Variants in ROBO1 observed in about 807,000 individuals in gnomAD.
The protein encoded by ROBO1 is roundabout guidance receptor 1.
In ROBO1, 149 loss-of-function variants were observed where a neutral mutation model predicts 195.9. The ratio of observed to expected loss-of-function variants is 0.76; its 90% CI spans 0.67 to 0.87. ROBO1 has a LOEUF of 0.87. Ranked by LOEUF, ROBO1 falls within the 40% of genes least tolerant of loss-of-function variation. ROBO1 has a pLI of 0.00. For missense variants in ROBO1, 1,933 were observed against 2,068.3 expected, an observed-to-expected ratio of 0.93 and a Z score of 1.27; for synonymous variants, 816 against 733.2, an observed-to-expected ratio of 1.11 and a Z score of -1.82.
chr3:79,297,730 T>G (rs1444677327), intron 2 of ROBO1, among the ~76,000 whole-genome samples: 1 of 152,274 alleles, frequency 6.6e-6, no homozygotes. Context: ...CATATTTCTT[T>G]TATTGAAATA....
chr3:78,717,172 A>T, intron 7 of ROBO1, 103 bp downstream of exon 7: 1 of 1,229,830 alleles, frequency 8.1e-7, no homozygotes, highest in Non-Finnish European at 1.1e-6. Context: ...CTGATAGAGG[A>T]TTCTAGAATG....
At chr3:78,825,130 C>A (rs62257496) in intron 4 of ROBO1, among the ~76,000 whole-genome samples, 27,401 of 152,116 alleles carry the variant, frequency 0.18, 3,252 homozygotes, top group East Asian at 0.49. Context: ...AATAATTTGT[C>A]TTTGAATACG....
intron 2 of ROBO1, among the ~76,000 whole-genome samples, chr3:79,574,790 C>G (rs1477944802): frequency 6.6e-6 from 1 of 151,454 alleles, no homozygotes; most frequent in Non-Finnish European, 1.5e-5. Flanking sequence ...TTTTATGTTC[C>G]ACCTGTAAAT....
intron 2 of ROBO1, among the ~76,000 whole-genome samples, chr3:79,414,029 A>C (rs1477234146): frequency 6.6e-6 from 1 of 152,120 alleles, no homozygotes; most frequent in African/African-American, 2.4e-5. Context: ...TTCTCCTCGA[A>C]ATACCTTTTT....
At chr3:79,573,912 G>A (rs1298004097) in intron 2 of ROBO1, among the ~76,000 whole-genome samples, 1 of 152,038 alleles carries the variant, frequency 6.6e-6, no homozygotes, top group Non-Finnish European at 1.5e-5. Context: ...ATATGCTATG[G>A]AATTTGGCTT....
At chr3:79,516,612 A>G (rs962314963) in intron 2 of ROBO1, among the ~76,000 whole-genome samples, 15 of 152,138 alleles carry the variant, frequency 9.9e-5, no homozygotes, top group African/African-American at 3.6e-4. Context: ...TATTACACAT[A>G]GTATATTATA....
chr3:79,749,540 T>C (rs890779032), intron 1 of ROBO1, among the ~76,000 whole-genome samples: 1 of 152,152 alleles, frequency 6.6e-6, no homozygotes, highest in Non-Finnish European at 1.5e-5. Context: ...ATCACAGGCC[T>C]GGAGGTCTAG....
intron 2 of ROBO1, among the ~76,000 whole-genome samples, chr3:79,403,807 G>C (rs959633729): frequency 1.3e-5 from 2 of 151,926 alleles, no homozygotes; most frequent in Non-Finnish European, 1.5e-5. Context: ...TGAAATATTT[G>C]TTAGAATGAA....
At position 79,638,798 on chromosome 3, in the gene ROBO1, GC is replaced by G. The variant is rs1464228119; in HGVS notation, c.-50-48838del. Among the ~76,000 whole-genome samples, 4 of 152,220 alleles carry G rather than the reference GC, an allele frequency of 2.6e-5. No individual in the cohort carries two copies. In the South Asian group the frequency reaches 6.2e-4, roughly 24 times the overall value. Reference sequence around the variant, plus strand: ...CATTCACTGTGTGTAAGAAAAAGGTGCTTTTTGGTTCATTTTTCAAACTTTT... The same window carrying G: ...CATTCACTGTGTGTAAGAAAAAGGTGTTTTTGGTTCATTTTTCAAACTTTT... On this transcript the variant is annotated intron_variant, in intron 1 of 30. Coordinates refer to ENST00000464233, the MANE Select transcript of ROBO1 (RefSeq NM_002941.4).
intron 1 of ROBO1, among the ~76,000 whole-genome samples, chr3:79,708,704 T>C (rs193079050): frequency 6.6e-6 from 1 of 152,198 alleles, no homozygotes; most frequent in African/African-American, 2.4e-5. Flanking sequence ...GTCTACAAAA[T>C]ATTAAAAAGA....
At chr3:79,180,684 T>C (rs1205305493) in intron 2 of ROBO1, among the ~76,000 whole-genome samples, 1 of 152,178 alleles carries the variant, frequency 6.6e-6, no homozygotes, top group Non-Finnish European at 1.5e-5. Context: ...GCCTGGCACA[T>C]AGTAATAAAA....
rs147066252 is a variant in ROBO1 at position 79,621,874 on chromosome 3, G to A, written c.-50-31913C>T. 1.9e-3 allele frequency among the ~76,000 whole-genome samples: 293 copies of A among 152,262 alleles called. 5 individuals carry two copies. The East Asian group carries it at 0.036, about 19-fold the overall frequency. ...GCAGTTGAGACTACAAGGCAACTAC[G>A]TAACAACATAATGACTGTAATAAAA... On this transcript the variant is annotated intron_variant, in intron 1 of 30. Transcript: ENST00000464233.
At chr3:79,424,037 A>T (rs1474777832) in intron 2 of ROBO1, among the ~76,000 whole-genome samples, 3 of 152,050 alleles carry the variant, frequency 2.0e-5, no homozygotes, top group Non-Finnish European at 4.4e-5. Flanking sequence ...TGTCTTAGAC[A>T]TCATATTTAC....
In ROBO1 at chr3:79,408,277, C is replaced by T. The variant is rs146381261; in HGVS notation, c.88+181547G>A. On this transcript the variant is annotated intron_variant, in intron 2 of 30. Transcript: ENST00000464233. The stretch of plus-strand genomic sequence containing the variant: ...TTTGGGAGAAGCCTCCAAAAGAACG[C>T]AGAAATAAGCAGAGATTACATATAA... Among the ~76,000 whole-genome samples the T allele has an allele frequency of 5.9e-3, 899 of 151,598 alleles. 8 individuals are homozygous for T. Among genetic ancestry groups the T allele is most frequent in the African/African-American group, 0.021 (854 of 41,402 alleles).
intron 8 of ROBO1, among the ~76,000 whole-genome samples, chr3:78,696,126 A>AG (rs1491103460): frequency 9.1e-5 from 3 of 33,006 alleles, no homozygotes; most frequent in Non-Finnish European, 1.7e-4. Context: ...AAAGAATCAG[A>AG]AAAAAAAAAA....
intron 2 of ROBO1, among the ~76,000 whole-genome samples, chr3:79,406,769 A>C (rs758079078): frequency 6.6e-6 from 1 of 152,084 alleles, no homozygotes; most frequent in Non-Finnish European, 1.5e-5. Flanking sequence ...TTCCTGATTA[A>C]ATTAGAGTTA....
At chr3:78,841,071 A>T (rs983333355) in intron 4 of ROBO1, among the ~76,000 whole-genome samples, 3 of 152,036 alleles carry the variant, frequency 2.0e-5, no homozygotes, top group South Asian at 2.1e-4. Context: ...CAAAAAAAAA[A>T]AAAAGTAAGT....
intron 3 of ROBO1, among the ~76,000 whole-genome samples, chr3:79,034,484 T>C (rs576239825): frequency 1.9e-4 from 29 of 152,230 alleles, no homozygotes; most frequent in Admixed American, 1.2e-3. Context: ...TATAAAGTGA[T>C]CATGCCCTTT....
At chr3:79,177,057 A>G (rs1436658800) in intron 2 of ROBO1, among the ~76,000 whole-genome samples, 1 of 152,228 alleles carries the variant, frequency 6.6e-6, no homozygotes, top group Admixed American at 6.5e-5. Context: ...GAGATATTTT[A>G]TAGAATTCTG....
Sources: allele counts gnomAD v4.1 joint callset (sites outside exome capture counted in the v4.1 genomes callset), GRCh38; gene constraint gnomAD v4.1.1; transcripts MANE v1.5; gene names NCBI Gene and HGNC (gene_info 2026-07-23, HGNC 2026-07-21).